The following WDR26 variants were observed in gnomAD, a reference collection of about 807,000 sequenced individuals.
WDR26 encodes the protein WD repeat-containing protein 26.
Under a neutral mutation model 84.1 loss-of-function variants are expected in WDR26, and 5 were observed. The observed-to-expected ratio is 0.06, with a 90% CI of 0.03 to 0.13. WDR26 has a LOEUF of 0.13. Ranked by LOEUF, WDR26 falls within the 10% of genes least tolerant of loss-of-function variation. The pLI, the probability that WDR26 is intolerant of heterozygous loss-of-function variation, is 1.00. For synonymous variants in WDR26, 415 were observed against 389.6 expected (o/e 1.07, Z -0.77); for missense variants, 642 against 974.9 (o/e 0.66, Z 4.55).
rs971580991 is a variant in WDR26 at position 224,397,929 on chromosome 1, A to G, written c.2074+168T>C. 56 of 753,420 alleles carry G rather than the reference A, an allele frequency of 7.4e-5. No homozygotes were observed. In the Admixed American group the frequency reaches 1.6e-3, roughly 22 times the overall value. 46.7% of individuals were successfully genotyped at this position (753,420 alleles called of 1,614,324 possible). A position where few individuals can be genotyped will look rare whatever the true frequency, so the allele number is the denominator to read the frequency against. On this transcript the variant is annotated intron_variant, in intron 12 of 13. Transcript: ENST00000414423. ...ACATGACAGCATGTGACAATTTGTG[A>G]TAATACAGGGGCTTAGGTCATTACA...
At chr1:224,402,041 T>C (rs1268560419) in intron 8 of WDR26, 1 of 152,198 alleles carries the variant, frequency 6.6e-6, no homozygotes, top group Non-Finnish European at 1.5e-5. Flanking sequence ...GTTCATGGAT[T>C]AGAAACAGGA....
Position 224,399,789 on chromosome 1 carries a change from TTTA to T in WDR26, c.1720-758_1720-756del, listed in dbSNP as rs376251142. Among the ~76,000 whole-genome samples, 232 of 152,328 alleles carry T rather than the reference TTTA, an allele frequency of 1.5e-3. 3 individuals carry two copies. Among genetic ancestry groups the T allele is most frequent in the South Asian group, 0.013 (65 of 4,822 alleles). On this transcript the variant is annotated intron_variant, in intron 9 of 13. Transcript: ENST00000414423. ...AACCTGTTTTAGCTAAATTAAATGA[TTTA>T]TTATCTTGTTTTAGTTTAAAAAATT... is the stretch of plus-strand genomic sequence containing the variant.
intron 1 of WDR26, 54 bp from the exon 2 acceptor site, chr1:224,431,835 C>A: frequency 7.2e-7 from 1 of 1,397,110 alleles, no homozygotes; most frequent in South Asian, 1.5e-5. Flanking sequence ...GGTTTTAATC[C>A]TTCAAATAAA....
Position 224,389,665 on chromosome 1 carries a change from T to G in WDR26, c.*170A>C. 1 of 689,812 alleles carries G rather than the reference T, an allele frequency of 1.4e-6. No individual in the cohort carries two copies. The highest frequency in any genetic ancestry group is 2.5e-6 in the Non-Finnish European group (1 of 396,572). 42.7% of individuals were successfully genotyped at this position (689,812 alleles called of 1,614,324 possible). A position where few individuals can be genotyped will look rare whatever the true frequency, so the allele number is the denominator to read the frequency against. ...GACGTGCTTCATCTCAACTGGTTAC[T>G]ATGAAGCAAGGTGTAAATGTTTGGC... On this transcript the variant is annotated 3_prime_UTR_variant, in exon 14 of 14. Transcript: ENST00000414423.
intron 3 of WDR26, chr1:224,429,789 T>C (rs1674333900): frequency 6.6e-6 from 1 of 152,252 alleles, no homozygotes; most frequent in East Asian, 1.9e-4. Flanking sequence ...TTCTTCAGTT[T>C]ACATGCTGCC....
intron 5 of WDR26, 31 bp downstream of exon 5, chr1:224,419,487 A>C (rs1206285261): frequency 2.6e-6 from 4 of 1,521,938 alleles, no homozygotes; most frequent in Non-Finnish European, 3.6e-6. Flanking sequence ...CTAAGAGAAA[A>C]CACAGCAACA....
At chr1:224,421,021 C>T (rs927051016) in intron 4 of WDR26, among the ~76,000 whole-genome samples, 6 of 152,170 alleles carry the variant, frequency 3.9e-5, no homozygotes, top group African/African-American at 4.8e-5. Flanking sequence ...AGAATTGCTT[C>T]TATGTCCTTG....
At chr1:224,411,254 A>G (rs1014376745) in intron 7 of WDR26, among the ~76,000 whole-genome samples, 173 bp downstream of exon 7, 1 of 152,154 alleles carries the variant, frequency 6.6e-6, no homozygotes. Context: ...AACAATGTTG[A>G]TAATATTAAC....
At chr1:224,390,068 G>C (rs1159853918) in intron 13 of WDR26, among the ~76,000 whole-genome samples, 1 of 152,064 alleles carries the variant, frequency 6.6e-6, no homozygotes, top group Non-Finnish European at 1.5e-5. Context: ...CATATATTAT[G>C]ATCTAAATTC....
chr1:224,409,363 C>T (rs1272307171), intron 7 of WDR26, among the ~76,000 whole-genome samples: 1 of 152,092 alleles, frequency 6.6e-6, no homozygotes, highest in East Asian at 1.9e-4. Context: ...TTTGGCCTTG[C>T]TATGTGCTTT....
chr1:224,399,763 T>C (rs1426646308), intron 9 of WDR26, among the ~76,000 whole-genome samples: 1 of 152,214 alleles, frequency 6.6e-6, no homozygotes, highest in Non-Finnish European at 1.5e-5. Context: ...AAGAAACTGA[T>C]AACCTGTTTT....
chr1:224,402,530 C>T (rs1291740677), intron 8 of WDR26, among the ~76,000 whole-genome samples: 1 of 152,072 alleles, frequency 6.6e-6, no homozygotes, highest in Non-Finnish European at 1.5e-5. Flanking sequence ...TTAGATCACC[C>T]TTTTAGAAGA....
At chr1:224,412,053 A>G (rs888304299) in intron 6 of WDR26, among the ~76,000 whole-genome samples, 1 of 152,216 alleles carries the variant, frequency 6.6e-6, no homozygotes, top group African/African-American at 2.4e-5. Context: ...TAATGAGTTT[A>G]GGTCCTTCTC....
chr1:224,425,867 C>CT (rs563148307), intron 3 of WDR26, among the ~76,000 whole-genome samples: 2,654 of 149,230 alleles, frequency 0.018, 45 homozygotes, highest in Non-Finnish European at 0.024. Context: ...TGCTTTTCTT[C>CT]TTTTTTTTTT....
rs1242966333 is a variant in WDR26 at position 224,434,596 on chromosome 1, C to T, written c.-191G>A. 7 of 476,804 alleles carry T rather than the reference C, an allele frequency of 1.5e-5. No individual in the cohort carries two copies. In the East Asian group the frequency reaches 9.9e-4, roughly 68 times the overall value. 29.5% of individuals were successfully genotyped at this position (476,804 alleles called of 1,614,324 possible). On this transcript the variant is annotated 5_prime_UTR_variant, in exon 1 of 14. Transcript: ENST00000414423. Reference sequence around the variant, plus strand: ...TCCCCCCCCCCTCCCGGAGGCAGCTCGGGGTGCGCGGCCCGGGGGTCGCGC... The same window carrying T: ...TCCCCCCCCCCTCCCGGAGGCAGCTTGGGGTGCGCGGCCCGGGGGTCGCGC...
In WDR26 at chr1:224,398,463, A is replaced by T. The variant is rs1217029839; in HGVS notation, c.1944+52T>A. ...AAATACACTGAAAATAACAGTTAAA[A>T]TAAAACTTGTACTAAGCCAAATTTT... On this transcript the variant is annotated intron_variant, in intron 11 of 13. Transcript: ENST00000414423. 2.7e-6 allele frequency: 4 copies of T among 1,475,190 alleles called. No homozygotes were observed. In the African/African-American group the frequency reaches 5.7e-5, roughly 21 times the overall value. The allele number at this position is 1,475,190 out of a possible 1,614,324, so 91.4% of individuals were successfully genotyped here.
Position 224,407,151 on chromosome 1 carries a change from A to AATATATATAT in WDR26, c.1459-2591_1459-2582dup, listed in dbSNP as rs1335487396. Among the ~76,000 whole-genome samples, 97 of 11,862 alleles carry AATATATATAT rather than the reference A, an allele frequency of 8.2e-3. 1 individual carries two copies. Among genetic ancestry groups the AATATATATAT allele is most frequent in the Middle Eastern group, 0.071 (1 of 14 alleles). 7.8% of individuals were successfully genotyped at this position (11,862 alleles called of 152,430 possible). On this transcript the variant is annotated intron_variant, in intron 7 of 13. Transcript: ENST00000414423. ...AAAAAAAAAAAAAAAAAAAAAAAAA[A>AATATATATAT]ATATATATATATATATATATAACTC...
chr1:224,419,558 T>C lies in WDR26; in HGVS notation c.1122A>G (p.Lys374=). The C allele has an allele frequency of 6.2e-7, 1 of 1,614,054 alleles. No individual in the cohort carries two copies. The highest frequency in any genetic ancestry group is 1.3e-5 in the African/African-American group (1 of 75,066). Reference sequence around the variant, plus strand: ...ATAGTTTAGATCGGGAAGCTGTCCCTTTGCCTTCCCATTCTGCTTTTGCAC... The same window carrying C: ...ATAGTTTAGATCGGGAAGCTGTCCCCTTGCCTTCCCATTCTGCTTTTGCAC... The change falls in exon 5 of 14, where the codon AAA becomes AAG. Residue 374 remains lysine, a synonymous_variant. Transcript: ENST00000414423.
chr1:224,399,466 G>C (rs570633752), intron 9 of WDR26, among the ~76,000 whole-genome samples: 2 of 152,154 alleles, frequency 1.3e-5, no homozygotes, highest in Admixed American at 6.6e-5. Context: ...CAGACTGGAG[G>C]AATCTGTTAA....
Sources: allele counts gnomAD v4.1 joint callset (sites outside exome capture counted in the v4.1 genomes callset), GRCh38; gene constraint gnomAD v4.1.1; transcripts MANE v1.5; gene names NCBI Gene and HGNC (gene_info 2026-07-23, HGNC 2026-07-21).